The following RADX variants were observed in gnomAD, a reference collection of about 807,000 sequenced individuals.
The protein encoded by RADX is RPA-related protein RADX.
Under a neutral mutation model 61.6 loss-of-function variants are expected in RADX, and 36 were observed. The observed-to-expected ratio is 0.58, with a 90% CI of 0.45 to 0.77. RADX has a LOEUF of 0.77. Ranked by LOEUF, RADX falls within the 30% of genes least tolerant of loss-of-function variation. The pLI, the probability that RADX is intolerant of heterozygous loss-of-function variation, is 0.00. For synonymous variants in RADX, 272 were observed against 237.9 expected (o/e 1.14, Z -1.32); for missense variants, 497 against 651.1 (o/e 0.76, Z 2.58).
intron 3 of RADX, among the ~76,000 whole-genome samples, chrX:106,628,993 G>A (rs994110841): frequency 3.6e-5 from 4 of 111,984 alleles, no homozygotes; most frequent in African/African-American, 1.3e-4. Context: ...AAATTCTATT[G>A]CAAAACAAAG....
At chrX:106,652,029 T>TA (rs1215670359) in intron 11 of RADX, among the ~76,000 whole-genome samples, 13 of 110,534 alleles carry the variant, frequency 1.2e-4, no homozygotes, top group African/African-American at 4.0e-4. Flanking sequence ...CTTTTTTTTT[T>TA]AAGATAAAAC....
rs373153037 is a variant in RADX at position 106,674,711 on chromosome X, T to C, written c.2438-3417T>C. Among the ~76,000 whole-genome samples the C allele has an allele frequency of 2.7e-5, 3 of 112,077 alleles. No individual in the cohort carries two copies. In the East Asian group the frequency reaches 8.4e-4, roughly 31 times the overall value. On this transcript the variant is annotated intron_variant, in intron 13 of 13. Transcript: ENST00000372548. ...TTAAAATTTTAATCCATTTGGAATTTATTTTTGTGTAAAGAATGAGATAGG... is the reference window on the plus strand; with the variant it reads ...TTAAAATTTTAATCCATTTGGAATTCATTTTTGTGTAAAGAATGAGATAGG...
intron 11 of RADX, among the ~76,000 whole-genome samples, chrX:106,661,373 T>G (rs964164932): frequency 2.9e-4 from 23 of 79,402 alleles, no homozygotes; most frequent in East Asian, 6.4e-4. Context: ...TTTTTTCTTG[T>G]TTTTTTTTTT....
At chrX:106,628,102 C>G (rs1927117371) in intron 3 of RADX, among the ~76,000 whole-genome samples, 1 of 111,187 alleles carries the variant, frequency 9.0e-6, no homozygotes, top group African/African-American at 3.3e-5. Flanking sequence ...TCTCAAAATG[C>G]TAGGATTACA....
intron 11 of RADX, among the ~76,000 whole-genome samples, chrX:106,656,150 T>A (rs1381877427): frequency 8.9e-6 from 1 of 112,291 alleles, no homozygotes; most frequent in Non-Finnish European, 1.9e-5. Flanking sequence ...TCACGACATC[T>A]TCACCAGGAA....
In RADX at chrX:106,678,344, T is replaced by C. The variant is rs1486538131; in HGVS notation, c.*86T>C. 1.6e-5 allele frequency: 11 copies of C among 671,800 alleles called. No homozygotes were observed. The Admixed American group carries it at 2.3e-4, about 14-fold the overall frequency. The allele number at this position is 671,800 out of a possible 1,213,427, so 55.4% of individuals were successfully genotyped here. ...ATTTTGCTGGTAATTTCAGTAACTG[T>C]TTTCAGCAAGAATATTACATGAGCT... On this transcript the variant is annotated 3_prime_UTR_variant, in exon 14 of 14. Coordinates refer to ENST00000372548, the MANE Select transcript of RADX (RefSeq NM_018015.6).
At chrX:106,624,162 A>G (rs1408124694) in intron 2 of RADX, among the ~76,000 whole-genome samples, 4 of 111,594 alleles carry the variant, frequency 3.6e-5, no homozygotes, top group Non-Finnish European at 7.5e-5. Context: ...CAGATTGGCA[A>G]AGCCATCTTT....
In RADX at chrX:106,639,642, C is replaced by T; in HGVS notation, c.1689C>T (p.Pro563=). 8.4e-7 allele frequency: 1 copy of T among 1,192,413 alleles called. No homozygotes were observed. The highest frequency in any genetic ancestry group is 1.1e-6 in the Non-Finnish European group (1 of 885,802). Residue 563 remains proline (P), a synonymous_variant, in exon 9 of 14, where the codon CCC becomes CCT. Transcript: ENST00000372548. ...QGIITAIKYI[P]HSSATESASA... Reference sequence around the variant, plus strand: ...TAATTACTGCTATAAAGTATATCCCCCATAGCAGTGCGACTGAAAGTGCCT... The same window carrying T: ...TAATTACTGCTATAAAGTATATCCCTCATAGCAGTGCGACTGAAAGTGCCT...
At chrX:106,652,222 A>T (rs184429121) in intron 11 of RADX, among the ~76,000 whole-genome samples, 1 of 111,367 alleles carries the variant, frequency 9.0e-6, no homozygotes, top group Non-Finnish European at 1.9e-5. Context: ...CTGAGGCAGG[A>T]GGATCACTTG....
In RADX at chrX:106,650,206, G is replaced by C. The variant is rs185981488; in HGVS notation, c.1978+1820G>C. ...ATGGGTAAGAAAAAGTCATCTGAGA[G>C]AAAGTGGAATCCCAGACCTGTGCAG... is the stretch of plus-strand genomic sequence containing the variant. On this transcript the variant is annotated intron_variant, in intron 11 of 13. Coordinates refer to ENST00000372548, the MANE Select transcript of RADX (RefSeq NM_018015.6). Among the ~76,000 whole-genome samples the C allele has an allele frequency of 2.7e-5, 3 of 111,298 alleles. No individual in the cohort carries two copies. In the East Asian group the frequency reaches 8.6e-4, roughly 32 times the overall value.
chrX:106,619,759 G>A (rs1369803470), intron 1 of RADX, among the ~76,000 whole-genome samples: 2 of 105,448 alleles, frequency 1.9e-5, no homozygotes, highest in East Asian at 2.8e-4. Context: ...ATTTTTATTT[G>A]TGTGTATATT....
chrX:106,652,108 T>C (rs987691777), intron 11 of RADX, among the ~76,000 whole-genome samples: 12 of 111,262 alleles, frequency 1.1e-4, no homozygotes, highest in African/African-American at 3.6e-4. Flanking sequence ...TATTAAACTT[T>C]CGTATTCCAA....
intron 9 of RADX, 57 bp downstream of exon 9, chrX:106,639,744 A>G: frequency 1.1e-6 from 1 of 944,295 alleles, no homozygotes. Flanking sequence ...TATGATTGCA[A>G]TTGGTACCTT....
At position 106,622,729 on chromosome X, in the gene RADX, T is replaced by A; in HGVS notation, c.722T>A (p.Ile241Asn). 1 of 1,202,059 alleles carries A rather than the reference T, an allele frequency of 8.3e-7. No individual in the cohort carries two copies. The highest frequency in any genetic ancestry group is 1.1e-6 in the Non-Finnish European group (1 of 890,904). Residue 241 changes from isoleucine to asparagine, a missense_variant, in exon 2 of 14, where the codon ATC becomes AAC. Transcript: ENST00000372548. ...RRNFPALLVR[I>N]LHKSKLRYYG... ...AATTTTCCTGCATTGCTTGTGAGGA[T>A]CTTACATAAATCAAAACTGCGATAC...
At chrX:106,650,151 T>G (rs1348948664) in intron 11 of RADX, among the ~76,000 whole-genome samples, 1 of 111,077 alleles carries the variant, frequency 9.0e-6, no homozygotes, top group Admixed American at 9.6e-5. Flanking sequence ...TGTGGAGAGA[T>G]ATCAAAGAGC....
In RADX at chrX:106,662,005, T is replaced by C. The variant is rs371910818; in HGVS notation, c.1979-10T>C. The C allele has an allele frequency of 3.3e-6, 4 of 1,203,897 alleles. No individual in the cohort carries two copies. In the African/African-American group the frequency reaches 7.0e-5, roughly 21 times the overall value. ...GATCAATTGTGTCTATCTCCTTGTG[T>C]CTTTAACAGGTCGAGCAAATATAAA... On this transcript the variant is annotated splice_polypyrimidine_tract_variant and intron_variant, in intron 11 of 13. Coordinates refer to ENST00000372548, the MANE Select transcript of RADX (RefSeq NM_018015.6).
intron 9 of RADX, among the ~76,000 whole-genome samples, chrX:106,640,156 G>T (rs1301853520): frequency 2.7e-5 from 3 of 110,250 alleles, no homozygotes; most frequent in Non-Finnish European, 5.7e-5. Context: ...TGGCATAGTA[G>T]TCTTACCCAG....
chrX:106,673,295 G>T (rs1928412934), intron 13 of RADX, among the ~76,000 whole-genome samples: 1 of 110,697 alleles, frequency 9.0e-6, no homozygotes, highest in Admixed American at 9.6e-5. Flanking sequence ...AGTACCTGAG[G>T]TATCACTGCG....
At chrX:106,647,873 T>A (rs1192766069) in intron 10 of RADX, among the ~76,000 whole-genome samples, 6 of 111,051 alleles carry the variant, frequency 5.4e-5, no homozygotes, top group Non-Finnish European at 1.1e-4. Flanking sequence ...AATTATTAGC[T>A]TTTTTCCTTT....
Sources: allele counts gnomAD v4.1 joint callset (sites outside exome capture counted in the v4.1 genomes callset), GRCh38; gene constraint gnomAD v4.1.1; transcripts MANE v1.5; gene names NCBI Gene and HGNC (gene_info 2026-07-23, HGNC 2026-07-21).